The following GAREM1 variants were observed in gnomAD, a reference collection of about 807,000 sequenced individuals.
GAREM1 encodes the protein GRB2 associated regulator of MAPK1 subtype 1, also known as GRB2-associated and regulator of MAPK protein 1.
Under a neutral mutation model 71.3 loss-of-function variants are expected in GAREM1, and 26 were observed. That is an observed-to-expected ratio of 0.36 (90% CI 0.27 to 0.51). The LOEUF (loss-of-function observed/expected upper bound fraction) is 0.51. Ranked by LOEUF, GAREM1 falls within the 20% of genes least tolerant of loss-of-function variation. The pLI is 0.95. For missense variants in GAREM1, 1,026 were observed against 1,103.1 expected, an observed-to-expected ratio of 0.93 and a Z score of 0.99; for synonymous variants, 440 against 433.2, an observed-to-expected ratio of 1.02 and a Z score of -0.20.
intron 1 of GAREM1, among the ~76,000 whole-genome samples, chr18:32,454,103 A>G (rs557544825): frequency 2.0e-5 from 3 of 152,278 alleles, no homozygotes; most frequent in African/African-American, 7.2e-5. Context: ...GTAAGCTAAC[A>G]CTTTCTCCAT....
In GAREM1 at chr18:32,343,185, T is replaced by A. The variant is rs183801963; in HGVS notation, c.263-32862A>T. On this transcript the variant is annotated intron_variant, in intron 2 of 5. Transcript: ENST00000269209. Reference sequence around the variant, plus strand: ...AAAAAACAAATTTAGTTACAGAAAGTACACTACGTAGAAAATGCCAGAGTT... The same window carrying A: ...AAAAAACAAATTTAGTTACAGAAAGAACACTACGTAGAAAATGCCAGAGTT... Among the ~76,000 whole-genome samples, 457 of 152,156 alleles carry A rather than the reference T, an allele frequency of 3.0e-3. 3 individuals are homozygous for A. The highest frequency in any genetic ancestry group is 0.01 in the African/African-American group (434 of 41,518).
intron 1 of GAREM1, among the ~76,000 whole-genome samples, chr18:32,469,466 A>G (rs1194898196): frequency 6.6e-6 from 1 of 152,184 alleles, no homozygotes; most frequent in African/African-American, 2.4e-5. Flanking sequence ...AAGACCAAAC[A>G]CACCTAAATT....
intron 3 of GAREM1, among the ~76,000 whole-genome samples, chr18:32,296,319 G>A (rs548759957): frequency 2.0e-5 from 3 of 152,314 alleles, no homozygotes; most frequent in African/African-American, 4.8e-5. Flanking sequence ...AGTACAGAAA[G>A]TTCCTGTATA....
intron 1 of GAREM1, among the ~76,000 whole-genome samples, chr18:32,449,934 C>T (rs528910796): frequency 6.6e-6 from 1 of 152,106 alleles, no homozygotes; most frequent in South Asian, 2.1e-4. Context: ...GTGGAGACCC[C>T]TATGGACATT....
At chr18:32,455,672 T>C (rs911886861) in intron 1 of GAREM1, among the ~76,000 whole-genome samples, 2 of 152,168 alleles carry the variant, frequency 1.3e-5, no homozygotes, top group African/African-American at 4.8e-5. Context: ...GGCTTCAAAA[T>C]GTATTTAAAT....
intron 1 of GAREM1, among the ~76,000 whole-genome samples, chr18:32,417,240 A>G (rs1183590355): frequency 1.3e-5 from 2 of 152,204 alleles, no homozygotes; most frequent in African/African-American, 4.8e-5. Flanking sequence ...AAGGGCATGG[A>G]AAAAAGGGAA....
chr18:32,346,991 A>G (rs2047703354), intron 2 of GAREM1, among the ~76,000 whole-genome samples: 1 of 152,156 alleles, frequency 6.6e-6, no homozygotes, highest in Non-Finnish European at 1.5e-5. Flanking sequence ...TTCACACTAC[A>G]TTTCTGTTTG....
At chr18:32,383,354 T>C (rs1174599368) in intron 2 of GAREM1, among the ~76,000 whole-genome samples, 1 of 152,226 alleles carries the variant, frequency 6.6e-6, no homozygotes. Context: ...AAGACTTCCC[T>C]GGATAGTGAC....
intron 2 of GAREM1, among the ~76,000 whole-genome samples, chr18:32,372,273 C>G (rs1358418105): frequency 6.6e-6 from 1 of 152,080 alleles, no homozygotes; most frequent in Non-Finnish European, 1.5e-5. Flanking sequence ...CCCAAGCCAC[C>G]CTTTAAGTTA....
At chr18:32,441,926 C>T (rs2048741864) in intron 1 of GAREM1, among the ~76,000 whole-genome samples, 1 of 152,178 alleles carries the variant, frequency 6.6e-6, no homozygotes, top group Admixed American at 6.5e-5. Flanking sequence ...TTCATAACTA[C>T]CCCCACAATA....
rs148534324 is a variant in GAREM1, at chr18:32,342,859, G to A, written c.263-32536C>T. Among the ~76,000 whole-genome samples, 227 of 152,238 alleles carry A rather than the reference G, an allele frequency of 1.5e-3. 1 individual carries two copies. Among genetic ancestry groups the A allele is most frequent in the African/African-American group, 5.2e-3 (215 of 41,548 alleles). ...CTACTTTTATGGTACCATGCCCACCGACCCACTCTAGCCACAGTTTCCTTT... is the reference window on the plus strand; with the variant it reads ...CTACTTTTATGGTACCATGCCCACCAACCCACTCTAGCCACAGTTTCCTTT... On this transcript the variant is annotated intron_variant, in intron 2 of 5. Coordinates refer to ENST00000269209, the MANE Select transcript of GAREM1 (RefSeq NM_001242409.2).
chr18:32,303,007 G>A (rs182465177), intron 3 of GAREM1, among the ~76,000 whole-genome samples: 6 of 152,320 alleles, frequency 3.9e-5, no homozygotes, highest in East Asian at 1.9e-4. Context: ...GACCACGCAC[G>A]CAGTAGGGAA....
intron 2 of GAREM1, among the ~76,000 whole-genome samples, chr18:32,328,410 G>T (rs1197498648): frequency 6.6e-6 from 1 of 152,154 alleles, no homozygotes; most frequent in Non-Finnish European, 1.5e-5. Flanking sequence ...AGATAGAACA[G>T]AGTAAATAAG....
intron 2 of GAREM1, among the ~76,000 whole-genome samples, chr18:32,376,563 C>T (rs1332083235): frequency 1.3e-5 from 2 of 152,182 alleles, no homozygotes; most frequent in African/African-American, 2.4e-5. Context: ...AGCAACTGGG[C>T]GTGGTGGCTC....
rs2041406459 is a variant in GAREM1, at chr18:32,268,361, C to T, written c.2141G>A (p.Gly714Asp). 1 of 1,614,172 alleles carries T rather than the reference C, an allele frequency of 6.2e-7. No individual in the cohort carries two copies. Among genetic ancestry groups the T allele is most frequent in the South Asian group, 1.1e-5 (1 of 91,086 alleles). The change falls in exon 6 of 6, where the codon GGT (glycine) becomes GAT (aspartate). Residue 714 changes from glycine to aspartate, a missense_variant. Gly to Asp is a moderately conservative substitution (Grantham distance 94). Around this residue, in one of 3 missense-constraint regions of GAREM1, gnomAD observed 636 missense variants for 631.2 expected, o/e 1.01. Coordinates refer to ENST00000269209, the MANE Select transcript of GAREM1 (RefSeq NM_001242409.2). ...GCATGACGTACTCTGCTTTGTCACACCAGCTGCAAGAGATTTCACATCTGT... is the reference window on the plus strand; with the variant it reads ...GCATGACGTACTCTGCTTTGTCACATCAGCTGCAAGAGATTTCACATCTGT... ...ESTDVKSLAAGVTKQSTSCPA... is the reference protein window; with the variant it reads ...ESTDVKSLAADVTKQSTSCPA...
intron 1 of GAREM1, among the ~76,000 whole-genome samples, chr18:32,464,988 T>C (rs531185190): frequency 2.0e-5 from 3 of 152,288 alleles, no homozygotes; most frequent in South Asian, 4.1e-4. Flanking sequence ...GGGGCAAGTA[T>C]AACGTCTAGT....
intron 2 of GAREM1, among the ~76,000 whole-genome samples, chr18:32,338,111 C>A (rs1441294293): frequency 6.6e-6 from 1 of 152,212 alleles, no homozygotes; most frequent in African/African-American, 2.4e-5. Context: ...ACAAAAAATG[C>A]AGACGGAGGA....
intron 4 of GAREM1, among the ~76,000 whole-genome samples, chr18:32,273,712 T>TGA (rs1288153718): frequency 2.0e-5 from 3 of 151,890 alleles, no homozygotes; most frequent in South Asian, 2.1e-4. Context: ...AATGTGTGTG[T>TGA]GTGAGAGAGA....
intron 2 of GAREM1, among the ~76,000 whole-genome samples, chr18:32,357,662 CTT>C (rs1317825866): frequency 2.0e-5 from 3 of 152,228 alleles, no homozygotes; most frequent in Non-Finnish European, 4.4e-5. Context: ...AGCTTTCATC[CTT>C]TATAAAACTG....
Sources: gnomAD v4.1 joint callset for allele counts (sites outside exome capture counted in the v4.1 genomes callset) on GRCh38, gnomAD v4.1.1 for gene constraint, gnomAD v4.1.1 regional missense constraint, MANE v1.5 for transcripts, NCBI Gene and HGNC (gene_info 2026-07-23, HGNC 2026-07-21) for gene names.